The following NPC1 variants were observed in gnomAD, a reference collection of about 807,000 sequenced individuals.
The protein encoded by NPC1 is NPC intracellular cholesterol transporter 1.
NPC1 carries 85 observed loss-of-function variants against 140.4 expected under a neutral mutation model. The observed-to-expected ratio is 0.61, with a 90% CI of 0.51 to 0.72. The LOEUF is 0.72. Among genes scored for constraint, NPC1 ranks in the 30% least tolerant of loss-of-function variants. NPC1 has a pLI of 0.00. For missense variants in NPC1, 1,504 were observed against 1,623.8 expected (o/e 0.93, Z 1.27); for synonymous variants, 656 against 624.8 (o/e 1.05, Z -0.74).
intron 13 of NPC1, 52 bp from the exon 14 acceptor site, chr18:23,543,621 C>T (rs1320447633): frequency 1.1e-5 from 12 of 1,068,364 alleles, no homozygotes; most frequent in East Asian, 2.4e-5. Flanking sequence ...TCAATAACAA[C>T]GCCATTTCTT....
intron 1 of NPC1, among the ~76,000 whole-genome samples, chr18:23,585,445 T>C (rs4800495): frequency 0.37 from 56,182 of 151,932 alleles, 11,932 homozygotes; most frequent in Admixed American, 0.47. Flanking sequence ...TCTCCCCTGA[T>C]TCACCACTTC....
In NPC1 at chr18:23,510,343, A is replaced by G. The variant is rs1382349444; in HGVS notation, c.432-3701T>C. Among the ~76,000 whole-genome samples, 5 of 151,886 alleles carry G rather than the reference A, an allele frequency of 3.3e-5. No individual in the cohort carries two copies. In the East Asian group the frequency reaches 9.6e-4, roughly 29 times the overall value. Reference sequence around the variant, plus strand: ...ATCTCAAAAAAAAAAACAAAAACACAACAACATTAAAAAGTGGGCAAAGGC... The same window carrying G: ...ATCTCAAAAAAAAAAACAAAAACACGACAACATTAAAAAGTGGGCAAAGGC... On this transcript the variant is annotated intron_variant, in intron 3 of 3. Transcript: ENST00000591107.
rs145377000 is a variant in NPC1, at chr18:23,544,288, T to C, written c.2130+56A>G. The C allele has an allele frequency of 5.9e-3, 9,145 of 1,556,096 alleles. 46 individuals carry two copies. Among genetic ancestry groups the C allele is most frequent in the Non-Finnish European group, 6.7e-3 (7,539 of 1,130,208 alleles). ...CACGAATGCGGAGCCCAGGAGCCAT[T>C]CACAGTCCCTGAAACTTGAACAGAT... On this transcript the variant is annotated intron_variant, in intron 13 of 24. Coordinates refer to ENST00000269228, the MANE Select transcript of NPC1 (RefSeq NM_000271.5).
intron 3 of NPC1, among the ~76,000 whole-genome samples, chr18:23,516,668 TAAAAC>T (rs2058014100): frequency 2.6e-5 from 4 of 152,248 alleles, no homozygotes; most frequent in South Asian, 2.1e-4. Context: ...TCTAGCCTGA[TAAAAC>T]AAGAACATTG....
intron 3 of NPC1, 27 bp downstream of exon 3, chr18:23,572,047 T>C (rs772487364): frequency 1.1e-5 from 16 of 1,461,776 alleles, no homozygotes; most frequent in Non-Finnish European, 1.4e-5. Flanking sequence ...TACAGCCCAG[T>C]TGTTCTGTTT....
intron 2 of NPC1, 25 bp downstream of exon 2, chr18:23,573,427 C>T: frequency 6.2e-7 from 1 of 1,614,008 alleles, no homozygotes; most frequent in Non-Finnish European, 8.5e-7. Flanking sequence ...TTTTGTGTTC[C>T]CAGTGCCTAA....
chr18:23,520,905 A>C (rs1333345730), downstream of NPC1, among the ~76,000 whole-genome samples: 1 of 152,192 alleles, frequency 6.6e-6, no homozygotes, highest in Non-Finnish European at 1.5e-5. Context: ...TTTAGTAGAG[A>C]TGGGGTTTCA....
Position 23,577,859 on chromosome 18 carries a change from C to T in NPC1, c.58-4285G>A, listed in dbSNP as rs527507810. Among the ~76,000 whole-genome samples, 434 of 152,372 alleles carry T rather than the reference C, an allele frequency of 2.8e-3. 3 individuals are homozygous for T. The highest frequency in any genetic ancestry group is 1.0e-2 in the African/African-American group (415 of 41,592). On this transcript the variant is annotated intron_variant, in intron 1 of 24. Transcript: ENST00000269228. ...CTGGGGGGACCCAGTACACCCTCTGCAGCCACTGGCCCGGGTGCTAAGTCC... is the reference window on the plus strand; with the variant it reads ...CTGGGGGGACCCAGTACACCCTCTGTAGCCACTGGCCCGGGTGCTAAGTCC...
downstream of NPC1, among the ~76,000 whole-genome samples, chr18:23,531,011 T>TAAAAAAAAA (rs1300366740): frequency 2.6e-5 from 4 of 152,176 alleles, no homozygotes; most frequent in East Asian, 1.9e-4. Context: ...CATTTTTTTT[T>TAAAAAAAAA]TGAGACAGAG....
At chr18:23,539,717 GTC>G in intron 18 of NPC1, 92 bp downstream of exon 18, 1 of 1,388,604 alleles carries the variant, frequency 7.2e-7, no homozygotes, top group Non-Finnish European at 1.0e-6. Flanking sequence ...TTCCAAGAAA[GTC>G]TATTTTCAGT....
chr18:23,558,456 C>T (rs2058986578), intron 6 of NPC1, among the ~76,000 whole-genome samples: 1 of 151,804 alleles, frequency 6.6e-6, no homozygotes, highest in Non-Finnish European at 1.5e-5. Flanking sequence ...TGAGAAAATA[C>T]CAGATAAAGC....
Position 23,553,561 on chromosome 18 carries a change from T to C in NPC1, c.1553+1197A>G, listed in dbSNP as rs115328728. Among the ~76,000 whole-genome samples, 1,278 of 152,296 alleles carry C rather than the reference T, an allele frequency of 8.4e-3. 15 individuals are homozygous for C. Among genetic ancestry groups the C allele is most frequent in the African/African-American group, 0.029 (1,224 of 41,550 alleles). ...GTGAGAGTCCTTAGCTCTTGAGAAG[T>C]AGTCGGCTGAGCAGTGTCCTTAAAG... On this transcript the variant is annotated intron_variant, in intron 9 of 24. Transcript: ENST00000269228.
intron 3 of NPC1, among the ~76,000 whole-genome samples, chr18:23,571,248 CTGGCT>C (rs1448113573): frequency 1.9e-4 from 27 of 141,664 alleles, no homozygotes; most frequent in African/African-American, 7.4e-4. Context: ...AAAAAAAAAA[CTGGCT>C]GGGAACTGTG....
At chr18:23,567,353 C>T (rs1469807953) in intron 4 of NPC1, among the ~76,000 whole-genome samples, 2 of 152,182 alleles carry the variant, frequency 1.3e-5, no homozygotes, top group Non-Finnish European at 2.9e-5. Context: ...GTAGTGGTAT[C>T]TCGTTGTTTT....
intron 3 of NPC1, among the ~76,000 whole-genome samples, chr18:23,512,040 A>G (rs1477779391): frequency 7.5e-6 from 1 of 133,224 alleles, no homozygotes; most frequent in Admixed American, 8.1e-5. Flanking sequence ...TTTTTTTCTG[A>G]GACAGAGTCT....
At chr18:23,549,743 T>A (rs1307652009) in intron 10 of NPC1, among the ~76,000 whole-genome samples, 2 of 139,086 alleles carry the variant, frequency 1.4e-5, no homozygotes, top group African/African-American at 5.5e-5. Flanking sequence ...TTTTCACAAC[T>A]TTTTTTTTTT....
At position 23,531,761 on chromosome 18, in the gene NPC1, T is replaced by TA. The variant is rs1372487821; in HGVS notation, c.*440dup. 1 of 1,582,388 alleles carries TA rather than the reference T, an allele frequency of 6.3e-7. No individual in the cohort carries two copies. Among genetic ancestry groups the TA allele is most frequent in the African/African-American group, 1.4e-5 (1 of 73,092 alleles). On this transcript the variant is annotated 3_prime_UTR_variant, in exon 25 of 25. Transcript: ENST00000269228. ...GTACAAAGTTAATTTATTGCATTAA[T>TA]AAAGCTCTTTAAACTATAAAATGTT... is the stretch of plus-strand genomic sequence containing the variant.
intron 20 of NPC1, among the ~76,000 whole-genome samples, chr18:23,537,105 G>A (rs935119150): frequency 6.6e-6 from 1 of 151,776 alleles, no homozygotes; most frequent in African/African-American, 2.4e-5. Context: ...GTCTTGCTCT[G>A]TAGCCCAGGC....
intron 3 of NPC1, among the ~76,000 whole-genome samples, chr18:23,514,557 CAAA>C: frequency 1.5e-5 from 2 of 133,284 alleles, no homozygotes; most frequent in African/African-American, 5.5e-5. Flanking sequence ...AACTCCGTCT[CAAA>C]AAAAAAAAAA....
Sources: gnomAD v4.1 joint callset for allele counts (sites outside exome capture counted in the v4.1 genomes callset) on GRCh38, gnomAD v4.1.1 for gene constraint, MANE v1.5 for transcripts, NCBI Gene and HGNC (gene_info 2026-07-23, HGNC 2026-07-21) for gene names.